The following TFEB variants were observed in gnomAD, a reference collection of about 807,000 sequenced individuals.
TFEB encodes the protein T-cell transcription factor EB.
A neutral mutation model predicts 48.0 loss-of-function variants in TFEB; 12 were observed. That is an observed-to-expected ratio of 0.25 (90% CI 0.16 to 0.40). The LOEUF (loss-of-function observed/expected upper bound fraction) is 0.40, where lower values mean the gene tolerates loss of function less well. Among genes scored for constraint, TFEB ranks in the 10% least tolerant of loss-of-function variants. TFEB has a pLI of 1.00. For synonymous variants in TFEB, 244 were observed against 261.4 expected, an observed-to-expected ratio of 0.93 and a Z score of 0.64; for missense variants, 509 against 640.3, an observed-to-expected ratio of 0.79 and a Z score of 2.21.
At chr6:41,699,533 G>C (rs1769783931) in intron 1 of TFEB, among the ~76,000 whole-genome samples, 1 of 152,192 alleles carries the variant, frequency 6.6e-6, no homozygotes, top group Admixed American at 6.5e-5. Context: ...GGTCTTTTAA[G>C]ATTTTCTTTT....
chr6:41,734,215 C>T lies in TFEB; in HGVS notation c.-23+1135G>A, dbSNP rs931817945. 2 of 362,600 alleles carry T rather than the reference C, an allele frequency of 5.5e-6. No individual in the cohort carries two copies. Among genetic ancestry groups the T allele is most frequent in the Non-Finnish European group, 7.7e-6 (2 of 260,606 alleles). 22.5% of individuals were successfully genotyped at this position (362,600 alleles called of 1,614,324 possible). On this transcript the variant is annotated intron_variant, in intron 1 of 8. Transcript: ENST00000373033. The surrounding 1 kb of genome is among the most constrained non-coding windows in gnomAD (Gnocchi z 4.0). ...GAGCTGAGGGGGGTTCGGGGGAAGG[C>T]GCAGCGGCCAGGGGCTGGCGGAGAG...
Position 41,734,304 on chromosome 6 carries a change from C to T in TFEB, c.-23+1046G>A, listed in dbSNP as rs1252233842. The T allele has an allele frequency of 2.0e-6, 2 of 980,644 alleles. No homozygotes were observed. The highest frequency in any genetic ancestry group is 2.4e-6 in the Non-Finnish European group (2 of 825,962). 60.7% of individuals were successfully genotyped at this position (980,644 alleles called of 1,614,324 possible). On this transcript the variant is annotated intron_variant, in intron 1 of 8. Coordinates refer to ENST00000373033, the MANE Select transcript of TFEB (RefSeq NM_001271944.2). The surrounding 1 kb of genome is among the most constrained non-coding windows in gnomAD (Gnocchi z 4.0). Reference sequence around the variant, plus strand: ...ACAAGCCCCGCCCCGGGCTCCCTCCCTTCCTCACCCGGGGCGCGGGGCTGG... The same window carrying T: ...ACAAGCCCCGCCCCGGGCTCCCTCCTTTCCTCACCCGGGGCGCGGGGCTGG...
At chr6:41,711,402 G>A (rs1371981845) in intron 1 of TFEB, among the ~76,000 whole-genome samples, 1 of 152,128 alleles carries the variant, frequency 6.6e-6, no homozygotes, top group Non-Finnish European at 1.5e-5. Flanking sequence ...CTGACTGGTG[G>A]GTGGGAATGG....
Position 41,690,851 on chromosome 6 carries a change from C to A in TFEB, c.280G>T (p.Glu94Ter). The A allele has an allele frequency of 6.2e-7, 1 of 1,611,292 alleles. No individual in the cohort carries two copies. Among genetic ancestry groups the A allele is most frequent in the South Asian group, 1.1e-5 (1 of 90,958 alleles). ...LQQSQHQKVR[E>*]YLSETYGNKF... is the part of the protein sequence containing the mutation. ...TTCCCATAGGTCTCGGACAGGTACTCCCGCACCTTCTGATGCTGCGACTGC... is the reference window on the plus strand; with the variant it reads ...TTCCCATAGGTCTCGGACAGGTACTACCGCACCTTCTGATGCTGCGACTGC... Residue 94 changes from glutamate to a stop codon, truncating the protein, a stop_gained, in exon 3 of 9, where the codon GAG (glutamate) becomes TAG (stop). Transcript: ENST00000373033. LOFTEE classifies it high-confidence loss of function.
chr6:41,712,145 C>T (rs894980748), intron 1 of TFEB, among the ~76,000 whole-genome samples: 15 of 152,186 alleles, frequency 9.9e-5, no homozygotes, highest in African/African-American at 3.6e-4. Flanking sequence ...TGTCCTCCAG[C>T]TCTGGAAACC....
chr6:41,732,916 C>T (rs1771514214), intron 1 of TFEB: 2 of 985,430 alleles, frequency 2.0e-6, no homozygotes, highest in African/African-American at 1.7e-5. Flanking sequence ...GGACAAAGGC[C>T]CAACCTGGTT....
chr6:41,715,676 G>GAA (rs34988206), intron 1 of TFEB, among the ~76,000 whole-genome samples: 2 of 126,086 alleles, frequency 1.6e-5, no homozygotes, highest in Non-Finnish European at 1.7e-5. Flanking sequence ...TCTCAATTAA[G>GAA]AAAAAAAAAA....
rs1024834290 is a variant in TFEB at position 41,684,853 on chromosome 6, G to A, written c.1177C>T (p.His393Tyr). The A allele has an allele frequency of 1.4e-5, 22 of 1,579,040 alleles. No homozygotes were observed. Among genetic ancestry groups the A allele is most frequent in the African/African-American group, 2.7e-5 (2 of 74,052 alleles). ...LPTQPPSPFH[H>Y]LDFSHSLSFG... ...CTCAGGCTGTGGCTGAAGTCCAGGTGATGGAATGGGGATGGTGGCTGGGTG... is the reference window on the plus strand; with the variant it reads ...CTCAGGCTGTGGCTGAAGTCCAGGTAATGGAATGGGGATGGTGGCTGGGTG... The change falls in exon 9 of 9, where the codon CAC becomes TAC. Residue 393 changes from histidine (H) to tyrosine (Y), a missense_variant. Around this residue, in one of 4 missense-constraint regions of TFEB, gnomAD observed 168 missense variants for 161.0 expected, o/e 1.04. Transcript: ENST00000373033.
intron 1 of TFEB, among the ~76,000 whole-genome samples, chr6:41,692,629 A>G (rs1769374601): frequency 6.6e-6 from 1 of 152,100 alleles, no homozygotes; most frequent in Non-Finnish European, 1.5e-5. Flanking sequence ...TCATTGACTG[A>G]CCCTAGGTAA....
chr6:41,721,759 T>G (rs1251999822), intron 1 of TFEB, among the ~76,000 whole-genome samples: 2 of 152,168 alleles, frequency 1.3e-5, no homozygotes, highest in Non-Finnish European at 2.9e-5. Context: ...CACCCCCATT[T>G]TAAATGTGGT....
chr6:41,687,712 A>G, intron 6 of TFEB, 41 bp downstream of exon 6: 1 of 1,613,540 alleles, frequency 6.2e-7, no homozygotes, highest in Non-Finnish European at 8.5e-7. Flanking sequence ...AGGTGAGAAC[A>G]AGGAAGAGGG....
chr6:41,698,485 C>T (rs1028039138), intron 1 of TFEB, among the ~76,000 whole-genome samples: 39 of 152,200 alleles, frequency 2.6e-4, no homozygotes, highest in Admixed American at 1.7e-3. Flanking sequence ...AAATTCTACC[C>T]TTCCTCAAAG....
rs1769327696 is a variant in TFEB, at chr6:41,691,733, T to G, written c.-22-498A>C. ...TCCTGTTAAATCCTAAGTCAGATCC[T>G]GTCTTCCCCTCTGCTCACAACTCCC... On this transcript the variant is annotated intron_variant, in intron 1 of 8. Coordinates refer to ENST00000373033, the MANE Select transcript of TFEB (RefSeq NM_001271944.2). The surrounding 1 kb of genome is among the most constrained non-coding windows in gnomAD (Gnocchi z 5.2). 2.0e-5 allele frequency among the ~76,000 whole-genome samples: 3 copies of G among 152,116 alleles called. No homozygotes were observed. The highest frequency in any genetic ancestry group is 2.0e-4 in the Admixed American group (3 of 15,282).
At chr6:41,692,226 TC>T (rs1769354434) in intron 1 of TFEB, among the ~76,000 whole-genome samples, 1 of 152,358 alleles carries the variant, frequency 6.6e-6, no homozygotes, top group East Asian at 1.9e-4. Flanking sequence ...AATGCAAACT[TC>T]CCTGAGGGCA....
Position 41,724,833 on chromosome 6 carries a change from C to T in TFEB, c.-23+10517G>A, listed in dbSNP as rs1771138259. Among the ~76,000 whole-genome samples the T allele has an allele frequency of 6.6e-6, 1 of 152,168 alleles. No homozygotes were observed. Among genetic ancestry groups the T allele is most frequent in the Admixed American group, 6.5e-5 (1 of 15,278 alleles). ...GGACTGTGGGGGAAGCGCCTCACAG[C>T]CCCTGCAGCAGCACGAACCAGGACT... On this transcript the variant is annotated intron_variant, in intron 1 of 8. Coordinates refer to ENST00000373033, the MANE Select transcript of TFEB (RefSeq NM_001271944.2). The surrounding 1 kb of genome is among the most constrained non-coding windows in gnomAD (Gnocchi z 4.4).
chr6:41,686,443 T>C (rs745779548), intron 7 of TFEB: 5 of 530,406 alleles, frequency 9.4e-6, no homozygotes, highest in Non-Finnish European at 1.3e-5. Flanking sequence ...ATTAATCTCA[T>C]GAAACCAGGC....
At chr6:41,714,363 G>A (rs544077207) in intron 1 of TFEB, among the ~76,000 whole-genome samples, 12 of 152,338 alleles carry the variant, frequency 7.9e-5, no homozygotes, top group African/African-American at 2.9e-4. Context: ...TGAACAAACT[G>A]TAACTCACAT....
At position 41,730,486 on chromosome 6, in the gene TFEB, G is replaced by T. The variant is rs1468915884; in HGVS notation, c.-23+4864C>A. 6.6e-6 allele frequency among the ~76,000 whole-genome samples: 1 copy of T among 152,182 alleles called. No homozygotes were observed. Among genetic ancestry groups the T allele is most frequent in the Non-Finnish European group, 1.5e-5 (1 of 68,042 alleles). ...CAGGTGCTGGATCTTATGGGGCCAG[G>T]TGGCTCTCCCCATAAGAAAGCTGGA... On this transcript the variant is annotated intron_variant, in intron 1 of 8. Coordinates refer to ENST00000373033, the MANE Select transcript of TFEB (RefSeq NM_001271944.2). This position sits in a 1 kb window ranked among gnomAD's most constrained non-coding sequence, Gnocchi z 4.1.
chr6:41,700,004 C>T (rs901661841), intron 1 of TFEB, among the ~76,000 whole-genome samples: 8 of 152,162 alleles, frequency 5.3e-5, no homozygotes, highest in African/African-American at 7.2e-5. Context: ...AGGTTCCCTC[C>T]GGGACCCTGT....
Sources: gnomAD v4.1 joint callset for allele counts (sites outside exome capture counted in the v4.1 genomes callset) on GRCh38, gnomAD v4.1.1 for gene constraint, gnomAD v4.1.1 regional missense constraint, Gnocchi (gnomAD v3.1) non-coding constraint, MANE v1.5 for transcripts, NCBI Gene and HGNC (gene_info 2026-07-23, HGNC 2026-07-21) for gene names.